REPS2: variants seen among roughly 807,000 people sequenced by gnomAD.
REPS2 encodes the protein RALBP1 associated Eps domain containing 2.
A neutral mutation model predicts 53.6 loss-of-function variants in REPS2; 23 were observed. The observed-to-expected ratio is 0.43, with a 90% CI of 0.31 to 0.61. The LOEUF is 0.61. Ranked by LOEUF, REPS2 falls within the 20% of genes least tolerant of loss-of-function variation. The pLI is 0.11. For missense variants in REPS2, 446 were observed against 534.9 expected (o/e 0.83, Z 1.64); for synonymous variants, 238 against 218.6 (o/e 1.09, Z -0.78).
chrX:17,174,752 G>T, the REPS2 span, among the ~76,000 whole-genome samples: 1 of 112,724 alleles, frequency 8.9e-6, no homozygotes, highest in East Asian at 2.8e-4. Context: ...CCTCAGCTGT[G>T]CTGGCAGGGC....
chrX:17,013,090 A>C (rs961066865), intron 2 of REPS2, among the ~76,000 whole-genome samples: 1 of 112,360 alleles, frequency 8.9e-6, no homozygotes, highest in African/African-American at 3.2e-5. Flanking sequence ...GTGAGGAGAC[A>C]TTTTTGGTTG....
chrX:17,178,143 C>T, the REPS2 span, among the ~76,000 whole-genome samples: 12 of 111,873 alleles, frequency 1.1e-4, no homozygotes, highest in African/African-American at 3.9e-4. Context: ...GAGGAGACAT[C>T]TAAGTGGAAT....
Position 17,047,392 on chromosome X carries a change from G to A in REPS2, c.817G>A (p.Asp273Asn), listed in dbSNP as rs2061922518. 2.5e-6 allele frequency: 3 copies of A among 1,210,420 alleles called. No individual in the cohort carries two copies. In the South Asian group the frequency reaches 5.3e-5, roughly 21 times the overall value. Residue 273 changes from aspartate to asparagine, a missense_variant, in exon 6 of 18, where the codon GAC becomes AAC. Coordinates refer to ENST00000357277, the MANE Select transcript of REPS2 (RefSeq NM_004726.3). ...RELQDNSSYP[D>N]EPWRITEEQR... ...ACTACAGGATAACAGCAGTTACCCC[G>A]ACGAACCCTGGAGGATAACAGAAGA...
chrX:17,018,285 C>T (rs1315782290), intron 2 of REPS2, among the ~76,000 whole-genome samples: 2 of 106,573 alleles, frequency 1.9e-5, no homozygotes, highest in Non-Finnish European at 3.8e-5. Context: ...CTCCCAGGCT[C>T]AAGAGATTCT....
chrX:16,958,041 G>A (rs1446514393), intron 1 of REPS2, among the ~76,000 whole-genome samples: 2 of 112,039 alleles, frequency 1.8e-5, no homozygotes, highest in African/African-American at 6.5e-5. Context: ...AAGCAAAAAC[G>A]GAGGCACTGA....
chrX:16,965,976 G>A (rs887923814), intron 1 of REPS2, among the ~76,000 whole-genome samples: 5 of 112,534 alleles, frequency 4.4e-5, no homozygotes, highest in Admixed American at 9.3e-5. Flanking sequence ...CAGGCGTGGC[G>A]GCGCGCGCCT....
At chrX:16,957,623 C>T (rs2060612568) in intron 1 of REPS2, among the ~76,000 whole-genome samples, 1 of 111,760 alleles carries the variant, frequency 8.9e-6, no homozygotes, top group Admixed American at 9.5e-5. Context: ...GTTTTTTGGA[C>T]TTCTTTAAAA....
At chrX:16,955,310 A>G (rs769565491) in intron 1 of REPS2, among the ~76,000 whole-genome samples, 1 of 111,410 alleles carries the variant, frequency 9.0e-6, no homozygotes, top group Non-Finnish European at 1.9e-5. Flanking sequence ...CAGTCTTCAG[A>G]CAGTCCTAGG....
chrX:17,159,356 C>G, the REPS2 span, among the ~76,000 whole-genome samples: 1 of 111,660 alleles, frequency 9.0e-6, no homozygotes, highest in Non-Finnish European at 1.9e-5. Context: ...AGTCTCTTTC[C>G]TTCTTCCAAG....
chrX:17,019,744 T>C (rs183522401), intron 2 of REPS2, among the ~76,000 whole-genome samples: 17 of 111,348 alleles, frequency 1.5e-4, no homozygotes, highest in African/African-American at 5.2e-4. Flanking sequence ...GGAGGATCAG[T>C]TGAGTCTGGG....
chrX:17,103,672 T>C (rs1046651270), intron 13 of REPS2, 46 bp from the exon 14 acceptor site: 1 of 1,154,949 alleles, frequency 8.7e-7, no homozygotes, highest in Non-Finnish European at 1.2e-6. Context: ...TTTTTGTTGT[T>C]TATTTTTGGG....
chrX:17,182,182 C>T, the REPS2 span, among the ~76,000 whole-genome samples: 4 of 109,173 alleles, frequency 3.7e-5, no homozygotes, highest in African/African-American at 1.0e-4. Flanking sequence ...ATCTATCTAT[C>T]TATCTATCAT....
chrX:17,182,140 GTCTATCTATCTATCTATCTATCTA>G, the REPS2 span, among the ~76,000 whole-genome samples: 2 of 101,225 alleles, frequency 2.0e-5, no homozygotes, highest in Non-Finnish European at 4.0e-5. Context: ...TGCTCTATCT[GTCTATCTATCTATCTATCTATCTA>G]TCTATCTATC....
chrX:16,994,428 CACAT>C (rs1387464673), intron 1 of REPS2, among the ~76,000 whole-genome samples: 1 of 110,278 alleles, frequency 9.1e-6, no homozygotes, highest in Non-Finnish European at 1.9e-5. Flanking sequence ...TATGCACACA[CACAT>C]ATATATACAC....
At chrX:17,032,428 T>C (rs938199563) in intron 5 of REPS2, among the ~76,000 whole-genome samples, 1 of 111,824 alleles carries the variant, frequency 8.9e-6, no homozygotes, top group Non-Finnish European at 1.9e-5. Flanking sequence ...GCTGGTGTGT[T>C]TTTCTTTCCT....
the REPS2 span, among the ~76,000 whole-genome samples, chrX:17,164,199 C>G: frequency 9.9e-5 from 11 of 111,045 alleles, no homozygotes; most frequent in African/African-American, 3.6e-4. Context: ...GACAATGACT[C>G]AAAAATATAG....
At chrX:17,131,570 A>G (rs2063292423) in intron 14 of REPS2, among the ~76,000 whole-genome samples, 1 of 111,925 alleles carries the variant, frequency 8.9e-6, no homozygotes, top group Admixed American at 9.5e-5. Context: ...TATGATGTAG[A>G]AGTCACATTG....
In REPS2 at chrX:17,029,578, G is replaced by C; in HGVS notation, c.726G>C (p.Gly242=). The C allele has an allele frequency of 8.3e-7, 1 of 1,210,908 alleles. No homozygotes were observed. The highest frequency in any genetic ancestry group is 1.7e-5 in the African/African-American group (1 of 57,837). Reference sequence around the variant, plus strand: ...TCCAGCCCGAGGGATCCTCATCAGGGGGCCCAGGAACCAAGCCCCTTCGGC... The same window carrying C: ...TCCAGCCCGAGGGATCCTCATCAGGCGGCCCAGGAACCAAGCCCCTTCGGC... ...PLVQPEGSSS[G]GPGTKPLRHQ... Residue 242 remains glycine, a synonymous_variant, in exon 5 of 18, where the codon GGG becomes GGC. Transcript: ENST00000357277.
At chrX:17,051,678 T>C (rs912276823) in intron 6 of REPS2, among the ~76,000 whole-genome samples, 2 of 112,520 alleles carry the variant, frequency 1.8e-5, no homozygotes, top group African/African-American at 6.5e-5. Flanking sequence ...TGTGAACATA[T>C]ATTTTTATTT....
Sources: gnomAD v4.1 joint callset for allele counts (sites outside exome capture counted in the v4.1 genomes callset) on GRCh38, gnomAD v4.1.1 for gene constraint, MANE v1.5 for transcripts, NCBI Gene and HGNC (gene_info 2026-07-23, HGNC 2026-07-21) for gene names.